The following THSD7B variants were observed in gnomAD, a reference collection of about 807,000 sequenced individuals.
The protein encoded by THSD7B is thrombospondin type 1 domain containing 7B.
Under a neutral mutation model 213.6 loss-of-function variants are expected in THSD7B, and 138 were observed. The observed-to-expected ratio is 0.65, with a 90% CI of 0.56 to 0.74. THSD7B has a LOEUF of 0.74. THSD7B is among the 30% of genes least tolerant of loss of function. The pLI is 0.00. For missense variants in THSD7B, 1,931 were observed against 1,991.5 expected, an observed-to-expected ratio of 0.97 and a Z score of 0.58; for synonymous variants, 742 against 687.0, an observed-to-expected ratio of 1.08 and a Z score of -1.25.
chr2:137,040,063 C>T (rs1266582204), intron 2 of THSD7B, among the ~76,000 whole-genome samples: 3 of 152,168 alleles, frequency 2.0e-5, no homozygotes, highest in Non-Finnish European at 2.9e-5. Context: ...AATAATCACC[C>T]CCACAGTACA....
intron 6 of THSD7B, among the ~76,000 whole-genome samples, chr2:137,162,043 TG>T (rs998590764): frequency 1.3e-5 from 2 of 152,152 alleles, no homozygotes; most frequent in African/African-American, 4.8e-5. Context: ...GGGAGACTCT[TG>T]GTTATATTAC....
chr2:137,655,390 G>T, intron 21 of THSD7B, 111 bp from the exon 22 acceptor site: 1 of 1,154,298 alleles, frequency 8.7e-7, no homozygotes, highest in East Asian at 2.6e-5. Flanking sequence ...ACAAGAAGAG[G>T]AAGCTACGAA....
chr2:137,451,082 C>A, intron 15 of THSD7B, 59 bp downstream of exon 15: 1 of 1,419,352 alleles, frequency 7.0e-7, no homozygotes, highest in South Asian at 1.6e-5. Flanking sequence ...TATTATTTCC[C>A]ATTGAAATTG....
intron 12 of THSD7B, among the ~76,000 whole-genome samples, chr2:137,316,995 A>G (rs568073381): frequency 1.3e-5 from 2 of 152,310 alleles, no homozygotes; most frequent in African/African-American, 4.8e-5. Context: ...GTAAAACCAT[A>G]GGGGAAAAAG....
chr2:137,102,065 T>G (rs935383719), intron 4 of THSD7B, among the ~76,000 whole-genome samples: 1 of 152,218 alleles, frequency 6.6e-6, no homozygotes, highest in Non-Finnish European at 1.5e-5. Flanking sequence ...TCTCCTCAAG[T>G]GGGTCCCTGA....
At chr2:137,105,225 C>T (rs1338271877) in intron 4 of THSD7B, among the ~76,000 whole-genome samples, 1 of 152,198 alleles carries the variant, frequency 6.6e-6, no homozygotes, top group Non-Finnish European at 1.5e-5. Context: ...AAGTCAGCTT[C>T]ATCCCAGGGA....
chr2:136,861,106 C>T (rs1327771839), intron 1 of THSD7B, among the ~76,000 whole-genome samples: 2 of 152,162 alleles, frequency 1.3e-5, no homozygotes, highest in Non-Finnish European at 2.9e-5. Context: ...AATTAATTTA[C>T]CTTGAATGAG....
intron 12 of THSD7B, among the ~76,000 whole-genome samples, chr2:137,340,152 T>G (rs1558763360): frequency 6.6e-6 from 1 of 151,872 alleles, no homozygotes; most frequent in African/African-American, 2.4e-5. Context: ...GAGATTCTAC[T>G]TCCCACACTT....
intron 14 of THSD7B, among the ~76,000 whole-genome samples, chr2:137,416,051 A>G (rs1250416323): frequency 6.6e-6 from 1 of 152,222 alleles, no homozygotes; most frequent in Non-Finnish European, 1.5e-5. Context: ...CAGAAATTTC[A>G]TAGACATTCA....
intron 2 of THSD7B, among the ~76,000 whole-genome samples, chr2:136,933,106 CCATT>C (rs1030083685): frequency 4.0e-5 from 4 of 98,918 alleles, no homozygotes; most frequent in African/African-American, 2.0e-4. Context: ...ATTTTGCCCG[CCATT>C]CCTTCCTTCC....
intron 12 of THSD7B, among the ~76,000 whole-genome samples, chr2:137,291,808 G>C (rs1410458250): frequency 2.0e-5 from 3 of 152,122 alleles, no homozygotes; most frequent in African/African-American, 7.2e-5. Context: ...CCAGGATTAT[G>C]AATCAAATTT....
chr2:137,412,327 G>A (rs942075064), intron 14 of THSD7B, among the ~76,000 whole-genome samples: 3 of 151,766 alleles, frequency 2.0e-5, no homozygotes, highest in South Asian at 2.1e-4. Flanking sequence ...AAGGCCAGGC[G>A]CGGTGGCTCA....
chr2:137,646,523 G>C lies in THSD7B; in HGVS notation c.3945+3890G>C, dbSNP rs1377461855. ...AAAAAAAAGCTGAGTGTGGTCGCAC[G>C]TGCCTGTAATCTCAGCTACTCGTGA... On this transcript the variant is annotated intron_variant, in intron 21 of 27. Transcript: ENST00000409968. Among the ~76,000 whole-genome samples, 2 of 148,314 alleles carry C rather than the reference G, an allele frequency of 1.3e-5. 1 individual carries two copies. The highest frequency in any genetic ancestry group is 7.1e-3 in the Middle Eastern group (2 of 282).
intron 1 of THSD7B, among the ~76,000 whole-genome samples, chr2:136,819,921 A>G (rs1447354311): frequency 6.6e-6 from 1 of 151,948 alleles, no homozygotes; most frequent in East Asian, 1.9e-4. Flanking sequence ...GGCCATTTGC[A>G]TTTGCTAGGC....
chr2:137,394,027 A>T, intron 12 of THSD7B, among the ~76,000 whole-genome samples: 1 of 130,674 alleles, frequency 7.7e-6, no homozygotes, highest in East Asian at 2.1e-4. Flanking sequence ...TTTCTTGTAA[A>T]TTTGTTTGAG....
intron 7 of THSD7B, among the ~76,000 whole-genome samples, chr2:137,210,630 A>C (rs1681082140): frequency 6.6e-6 from 1 of 152,026 alleles, no homozygotes; most frequent in African/African-American, 2.4e-5. Context: ...GTAGGAAATT[A>C]CTGGGCTGAC....
intron 7 of THSD7B, among the ~76,000 whole-genome samples, chr2:137,215,669 C>G (rs571700754): frequency 6.6e-6 from 1 of 152,092 alleles, no homozygotes; most frequent in East Asian, 1.9e-4. Context: ...TGTAAGAAGT[C>G]CAGAGACACA....
At chr2:137,595,174 T>C (rs371668654) in intron 17 of THSD7B, among the ~76,000 whole-genome samples, 11 of 152,028 alleles carry the variant, frequency 7.2e-5, no homozygotes, top group East Asian at 5.8e-4. Context: ...CTCTAGCATA[T>C]GTTATGGCCT....
At chr2:137,142,869 A>G (rs1029730384) in intron 5 of THSD7B, among the ~76,000 whole-genome samples, 1 of 152,110 alleles carries the variant, frequency 6.6e-6, no homozygotes, top group Non-Finnish European at 1.5e-5. Context: ...TTGATTCTTA[A>G]TGGCTGTGGA....
Sources: gnomAD v4.1 joint callset for allele counts (sites outside exome capture counted in the v4.1 genomes callset) on GRCh38, gnomAD v4.1.1 for gene constraint, MANE v1.5 for transcripts, NCBI Gene and HGNC (gene_info 2026-07-23, HGNC 2026-07-21) for gene names.